MAPDA: variants seen among roughly 807,000 people sequenced by gnomAD.
MAPDA encodes the protein N6,N6-dimethyl-AMP deaminase.
At chr15:43,335,390 G>T in the MAPDA span, among the ~76,000 whole-genome samples, 1 of 152,034 alleles carries the variant, frequency 6.6e-6, no homozygotes, top group Non-Finnish European at 1.5e-5. Flanking sequence ...ACAAAAATTC[G>T]CTGGGCTTGG....
At chr15:43,342,936 G>A in the MAPDA span, 15 of 1,253,680 alleles carry the variant, frequency 1.2e-5, no homozygotes, top group African/African-American at 2.0e-4. Context: ...ATTGCTGAAG[G>A]TGAGGGATGA....
the MAPDA span, chr15:43,336,656 G>GCTTA: frequency 1.0e-5 from 16 of 1,567,674 alleles, no homozygotes; most frequent in Non-Finnish European, 1.3e-5. Flanking sequence ...CTATTCATCA[G>GCTTA]CTTACTAGTA....
chr15:43,330,728 A>T, the MAPDA span: 8 of 442,506 alleles, frequency 1.8e-5, no homozygotes. Context: ...CGTGAGTTCC[A>T]TTTGTCCCAG....
At chr15:43,348,957 C>T in the MAPDA span, 8 of 1,614,138 alleles carry the variant, frequency 5.0e-6, no homozygotes, top group East Asian at 4.5e-5. Context: ...TGCTTCCTGA[C>T]AGAATCGGGC....
the MAPDA span, among the ~76,000 whole-genome samples, chr15:43,338,422 T>C: frequency 6.6e-6 from 1 of 152,236 alleles, no homozygotes; most frequent in Non-Finnish European, 1.5e-5. Flanking sequence ...TTCTTAGGAC[T>C]ACTTTCAGAA....
chr15:43,337,739 C>T, the MAPDA span, among the ~76,000 whole-genome samples: 1 of 152,198 alleles, frequency 6.6e-6, no homozygotes, highest in Admixed American at 6.5e-5. Flanking sequence ...GTAAATTAAG[C>T]ACCTTTTAGA....
At chr15:43,350,769 C>T in the MAPDA span, among the ~76,000 whole-genome samples, 1 of 152,168 alleles carries the variant, frequency 6.6e-6, no homozygotes, top group Non-Finnish European at 1.5e-5. Context: ...TCCTGTACAA[C>T]TACAGTAATT....
the MAPDA span, chr15:43,351,837 G>C: frequency 6.4e-7 from 1 of 1,551,672 alleles, no homozygotes; most frequent in Non-Finnish European, 8.7e-7. Context: ...AGTCTCAGGT[G>C]TGGGATCTGT....
the MAPDA span, chr15:43,348,980 T>C: frequency 6.2e-7 from 1 of 1,614,166 alleles, no homozygotes; most frequent in Non-Finnish European, 8.5e-7. Context: ...GGAACATTTC[T>C]CAACTCCGGT....
the MAPDA span, chr15:43,340,405 T>C: frequency 6.8e-7 from 1 of 1,467,948 alleles, no homozygotes; most frequent in Admixed American, 1.8e-5. Flanking sequence ...TGTGCTTTGA[T>C]CACTCACATG....
At chr15:43,352,146 G>A in the MAPDA span, 1 of 429,414 alleles carries the variant, frequency 2.3e-6, no homozygotes. Context: ...TTACTGGGTG[G>A]GACTTGACTG....
chr15:43,348,316 A>G, the MAPDA span, among the ~76,000 whole-genome samples: 2 of 152,166 alleles, frequency 1.3e-5, no homozygotes, highest in East Asian at 3.9e-4. Flanking sequence ...TCTACCATTC[A>G]CTAGCTCTAT....
the MAPDA span, among the ~76,000 whole-genome samples, chr15:43,339,167 A>G: frequency 2.6e-4 from 39 of 152,320 alleles, no homozygotes; most frequent in East Asian, 6.6e-3. Flanking sequence ...CGTGGGGCCA[A>G]TGCCATTCAT....
chr15:43,351,050 T>G, the MAPDA span: 2 of 1,550,298 alleles, frequency 1.3e-6, no homozygotes, highest in Non-Finnish European at 1.7e-6. Context: ...GTGTAAGGTG[T>G]TCCGTGTGAA....
chr15:43,348,026 C>A, the MAPDA span, among the ~76,000 whole-genome samples: 1 of 152,226 alleles, frequency 6.6e-6, no homozygotes, highest in Non-Finnish European at 1.5e-5. Flanking sequence ...GTGACAGTGA[C>A]CAGTTATCTC....
the MAPDA span, chr15:43,347,005 T>C: frequency 6.2e-7 from 1 of 1,611,724 alleles, no homozygotes; most frequent in Admixed American, 1.7e-5. Flanking sequence ...ATTTTAACTT[T>C]TATCTTTAAG....
the MAPDA span, chr15:43,352,102 C>T: frequency 2.1e-5 from 13 of 632,846 alleles, no homozygotes; most frequent in Middle Eastern, 4.4e-4. Flanking sequence ...TCAGTAAATA[C>T]GTGTCTTCAA....
chr15:43,334,142 CT>C, the MAPDA span, among the ~76,000 whole-genome samples: 7 of 151,038 alleles, frequency 4.6e-5, no homozygotes, highest in Non-Finnish European at 7.3e-5. Context: ...ATTTAAAATA[CT>C]TTATTAATCG....
At chr15:43,347,081 A>G in the MAPDA span, 1 of 1,613,590 alleles carries the variant, frequency 6.2e-7, no homozygotes, top group Non-Finnish European at 8.5e-7. Context: ...TGAAGTTAGC[A>G]TTGCATCTTT....
Sources: gnomAD v4.1 joint callset for allele counts (sites outside exome capture counted in the v4.1 genomes callset) on GRCh38, gnomAD v4.1.1 for gene constraint, MANE v1.5 for transcripts, NCBI Gene and HGNC (gene_info 2026-07-23, HGNC 2026-07-21) for gene names.